Variants in KPNA7 observed in about 807,000 individuals in gnomAD.
KPNA7 encodes the protein importin subunit alpha-8.
A neutral mutation model predicts 53.7 loss-of-function variants in KPNA7; 54 were observed. The observed-to-expected ratio is 1.01, with a 90% CI of 0.81 to 1.26. KPNA7 has a LOEUF of 1.26. KPNA7 is among the 50% of genes most tolerant of loss of function. The pLI is 0.00. For missense variants in KPNA7, 640 were observed against 644.5 expected (o/e 0.99, Z 0.07); for synonymous variants, 276 against 259.3 (o/e 1.06, Z -0.62).
chr7:99,194,251 A>G (rs940535839), intron 5 of KPNA7, among the ~76,000 whole-genome samples: 2 of 152,222 alleles, frequency 1.3e-5, no homozygotes, highest in African/African-American at 2.4e-5. Context: ...TAGACCATGC[A>G]GGAAAGAGCA....
At chr7:99,170,136 G>A (rs143029452), downstream of KPNA7, among the ~76,000 whole-genome samples, 1,741 of 152,202 alleles carry the variant, frequency 0.011, 36 homozygotes, top group African/African-American at 0.04. Flanking sequence ...GACAGGCCCC[G>A]CTCACAGCCT....
At position 99,217,983 on chromosome 7, in the gene KPNA7, G is replaced by T. The variant is rs560194999; in HGVS notation, c.-23-10494C>A. Among the ~76,000 whole-genome samples the T allele has an allele frequency of 5.9e-5, 9 of 151,954 alleles. No individual in the cohort carries two copies. The South Asian group carries it at 1.9e-3, about 32-fold the overall frequency. ...GGGGCTTTACCAACATGAATGAGAC[G>T]CACCTGGGGATTCCAGACTTCAGTT... On this transcript the variant is annotated intron_variant, in intron 1 of 10. Coordinates refer to the KPNA7 transcript ENST00000681060.
At chr7:99,191,010 C>T (rs934390260) in intron 6 of KPNA7, among the ~76,000 whole-genome samples, 2 of 152,004 alleles carry the variant, frequency 1.3e-5, no homozygotes, top group Non-Finnish European at 2.9e-5. Context: ...TTCTTTTTTT[C>T]CTGCACTTTT....
At position 99,181,960 on chromosome 7, in the gene KPNA7, G is replaced by C. The variant is rs978701684; in HGVS notation, c.1240C>G (p.Pro414Ala). The part of the protein sequence containing the change: ...IQLVHSGVLE[P>A]LVNLLTAPDV... ...GGGGCAGTGAGCAGATTCACCAGTG[G>C]CTCCAGGACCCCAGAGTGGACGAGC... The change falls in exon 9 of 11, where the codon CCA becomes GCA. Residue 414 changes from proline (P) to alanine (A), a missense_variant. By Grantham distance (27) the Pro-to-Ala change is conservative. Coordinates refer to ENST00000327442, the MANE Select transcript of KPNA7 (RefSeq NM_001145715.3). The C allele has an allele frequency of 6.4e-6, 10 of 1,551,322 alleles. No homozygotes were observed. In the Admixed American group the frequency reaches 7.8e-5, roughly 12 times the overall value.
Position 99,188,324 on chromosome 7 carries a change from C to T in KPNA7, c.876G>A (p.Met292Ile), listed in dbSNP as rs1161226530. 11 of 1,551,460 alleles carry T rather than the reference C, an allele frequency of 7.1e-6. No individual in the cohort carries two copies. The South Asian group carries it at 1.3e-4, about 18-fold the overall frequency. Reference sequence around the variant, plus strand: ...CCAAGACATTGAGTTCTGAGCTGGTCATGAGCACTACCAGCCTGGGCAGGA... The same window carrying T: ...CCAAGACATTGAGTTCTGAGCTGGTTATGAGCACTACCAGCCTGGGCAGGA... The part of the protein sequence containing the change: ...TGVLPRLVVL[M>I]TSSELNVLTP... The change falls in exon 7 of 11, where the codon ATG becomes ATA. Residue 292 changes from methionine (M) to isoleucine (I), a missense_variant. Coordinates refer to ENST00000327442, the MANE Select transcript of KPNA7 (RefSeq NM_001145715.3).
intron 2 of KPNA7, among the ~76,000 whole-genome samples, chr7:99,204,856 AAAT>A (rs1034264932): frequency 1.3e-5 from 2 of 152,152 alleles, no homozygotes; most frequent in Admixed American, 6.6e-5. Flanking sequence ...ACCGTGTATC[AAAT>A]AATAATAAAA....
chr7:99,185,348 T>C (rs1457190199), intron 7 of KPNA7, among the ~76,000 whole-genome samples, 186 bp from the exon 8 acceptor site: 1 of 152,160 alleles, frequency 6.6e-6, no homozygotes, highest in Non-Finnish European at 1.5e-5. Context: ...ATTTATTTTT[T>C]ATTTATTTAT....
rs979406068 is a variant in KPNA7 at position 99,188,424 on chromosome 7, G to C, written c.776C>G (p.Ser259Trp). Residue 259 changes from serine (S) to tryptophan (W), a missense_variant, in exon 7 of 11, where the codon TCG (serine) becomes TGG (tryptophan). Ser to Trp is a radical substitution (Grantham distance 177, BLOSUM62 -3). Transcript: ENST00000327442. ...GTAGGACAGTGCCCAGCAGGCATCC[G>C]AGAGAACCTCACTGTCCTGGTGCTG... ...LLQHQDSEVLSDACWALSYLT... is the reference protein window; with the variant it reads ...LLQHQDSEVLWDACWALSYLT... The C allele has an allele frequency of 1.3e-6, 2 of 1,551,544 alleles. No individual in the cohort carries two copies. The highest frequency in any genetic ancestry group is 1.7e-6 in the Non-Finnish European group (2 of 1,147,016).
intron 1 of KPNA7, among the ~76,000 whole-genome samples, chr7:99,213,340 G>A (rs942883012): frequency 2.0e-5 from 3 of 148,964 alleles, no homozygotes; most frequent in African/African-American, 7.4e-5. Context: ...ATGTTGGCCA[G>A]GATGGTCTCA....
At chr7:99,186,768 T>C (rs934521781) in intron 7 of KPNA7, among the ~76,000 whole-genome samples, 2 of 151,758 alleles carry the variant, frequency 1.3e-5, no homozygotes, top group Non-Finnish European at 2.9e-5. Flanking sequence ...ACAACAAAAA[T>C]GGCTTGTCTT....
chr7:99,160,020 T>TG, the KPNA7 span, among the ~76,000 whole-genome samples: 2 of 68,132 alleles, frequency 2.9e-5, no homozygotes, highest in African/African-American at 7.5e-5. Context: ...TGTTTTTGTT[T>TG]TTTTTTTTTT....
chr7:99,182,404 G>T (rs1470885495), intron 8 of KPNA7, among the ~76,000 whole-genome samples: 1 of 152,098 alleles, frequency 6.6e-6, no homozygotes, highest in African/African-American at 2.4e-5. Flanking sequence ...CACCATGTTG[G>T]CCAGGATGTT....
At chr7:99,214,757 G>A (rs369646078) in intron 1 of KPNA7, among the ~76,000 whole-genome samples, 1 of 109,614 alleles carries the variant, frequency 9.1e-6, no homozygotes, top group African/African-American at 3.4e-5. Context: ...GGGGAGGGGA[G>A]GGGAGGGAGG....
chr7:99,155,820 C>T, the KPNA7 span, among the ~76,000 whole-genome samples: 2 of 152,066 alleles, frequency 1.3e-5, no homozygotes, highest in Non-Finnish European at 2.9e-5. Flanking sequence ...CTGTCTTGGC[C>T]TCCCAAAGTG....
At chr7:99,195,049 C>G in intron 5 of KPNA7, 21 bp downstream of exon 5, 8 of 1,548,504 alleles carry the variant, frequency 5.2e-6, no homozygotes, top group Non-Finnish European at 7.0e-6. Flanking sequence ...TTTTCTTAGC[C>G]CACTAAGGGG....
At chr7:99,156,993 G>A in the KPNA7 span, among the ~76,000 whole-genome samples, 2 of 151,788 alleles carry the variant, frequency 1.3e-5, no homozygotes, top group Non-Finnish European at 2.9e-5. Flanking sequence ...TCTATATTCT[G>A]AAAGATTTAT....
chr7:99,163,808 G>A, the KPNA7 span, among the ~76,000 whole-genome samples: 1 of 152,024 alleles, frequency 6.6e-6, no homozygotes, highest in East Asian at 1.9e-4. Flanking sequence ...TTTAAATAAT[G>A]TCTCGAGTTA....
intron 3 of KPNA7, among the ~76,000 whole-genome samples, chr7:99,202,819 C>T (rs1266136624): frequency 6.6e-6 from 1 of 152,054 alleles, no homozygotes; most frequent in Non-Finnish European, 1.5e-5. Context: ...GCACTCTATC[C>T]TGGGTGACAG....
At chr7:99,216,025 T>C (rs2150790495) in intron 1 of KPNA7, among the ~76,000 whole-genome samples, 1 of 151,422 alleles carries the variant, frequency 6.6e-6, no homozygotes, top group South Asian at 2.1e-4. Flanking sequence ...TCCAAGTCAG[T>C]ACCCTGCCCC....
Sources: gnomAD v4.1 joint callset for allele counts (sites outside exome capture counted in the v4.1 genomes callset) on GRCh38, gnomAD v4.1.1 for gene constraint, MANE v1.5 for transcripts, NCBI Gene and HGNC (gene_info 2026-07-23, HGNC 2026-07-21) for gene names.